The following SPON1 variants were observed in gnomAD, a reference collection of about 807,000 sequenced individuals.
SPON1 encodes spondin-1.
SPON1 carries 52 observed loss-of-function variants against 111.7 expected under a neutral mutation model. The observed-to-expected ratio is 0.47, with a 90% CI of 0.37 to 0.59. The LOEUF (loss-of-function observed/expected upper bound fraction) is 0.59, where lower values mean the gene tolerates loss of function less well. Ranked by LOEUF, SPON1 falls within the 20% of genes least tolerant of loss-of-function variation. SPON1 has a pLI of 0.00. For synonymous variants in SPON1, 410 were observed against 395.8 expected, an observed-to-expected ratio of 1.04 and a Z score of -0.43; for missense variants, 957 against 1,068.5, an observed-to-expected ratio of 0.90 and a Z score of 1.46.
chr11:14,172,320 C>T (rs1324767831), intron 6 of SPON1, among the ~76,000 whole-genome samples: 1 of 151,836 alleles, frequency 6.6e-6, no homozygotes, highest in Admixed American at 6.6e-5. Context: ...GCAACCCCTG[C>T]CTTTTTTTGT....
intron 3 of SPON1, among the ~76,000 whole-genome samples, chr11:14,054,683 A>C (rs1848731599): frequency 6.6e-6 from 1 of 152,144 alleles, no homozygotes; most frequent in Non-Finnish European, 1.5e-5. Context: ...ATCAAAAATC[A>C]AGGAATGGGG....
intron 6 of SPON1, among the ~76,000 whole-genome samples, chr11:14,200,645 C>G (rs11023136): frequency 6.6e-6 from 1 of 151,798 alleles, no homozygotes; most frequent in East Asian, 1.9e-4. Flanking sequence ...GAAACCCCGT[C>G]TCTGCTAAAA....
At chr11:14,125,385 A>G (rs1166979157) in intron 5 of SPON1, among the ~76,000 whole-genome samples, 1 of 152,222 alleles carries the variant, frequency 6.6e-6, no homozygotes, top group Non-Finnish European at 1.5e-5. Flanking sequence ...CAGAAGAGTT[A>G]AGTGACCAGT....
intron 5 of SPON1, among the ~76,000 whole-genome samples, chr11:14,106,363 G>A (rs1394529121): frequency 4.6e-5 from 7 of 152,266 alleles, no homozygotes; most frequent in Admixed American, 1.3e-4. Context: ...ACAACATTAT[G>A]TATGGTCACC....
chr11:14,163,320 A>G (rs1411895255), intron 6 of SPON1, among the ~76,000 whole-genome samples: 1 of 152,182 alleles, frequency 6.6e-6, no homozygotes, highest in Non-Finnish European at 1.5e-5. Context: ...ATAAGTGCAA[A>G]ATTCAAGTCC....
intron 1 of SPON1, among the ~76,000 whole-genome samples, chr11:13,975,913 C>A (rs1848099839): frequency 6.6e-6 from 1 of 151,958 alleles, no homozygotes; most frequent in Non-Finnish European, 1.5e-5. Context: ...AATCTTCATC[C>A]CCAATATCAC....
intron 4 of SPON1, among the ~76,000 whole-genome samples, chr11:14,079,251 C>A (rs1191630724): frequency 2.0e-5 from 3 of 152,128 alleles, no homozygotes; most frequent in Admixed American, 2.0e-4. Context: ...TTAAGTTTTT[C>A]CTGGCTACTT....
chr11:14,084,312 C>G (rs565368373), intron 5 of SPON1, among the ~76,000 whole-genome samples: 1 of 152,060 alleles, frequency 6.6e-6, no homozygotes. Context: ...CTGCACTCCC[C>G]GACAGGACCA....
In SPON1 at chr11:14,160,574, T is replaced by C. The variant is rs868993264; in HGVS notation, c.825+25006T>C. On this transcript the variant is annotated intron_variant, in intron 6 of 15. Coordinates refer to ENST00000576479, the MANE Select transcript of SPON1 (RefSeq NM_006108.4). The stretch of plus-strand genomic sequence containing the variant: ...ATATATATATTTATATATATATTTA[T>C]ATATATATTTACATATATATATTTA... 2.7e-3 allele frequency among the ~76,000 whole-genome samples: 65 copies of C among 23,968 alleles called. 5 individuals carry two copies. Among genetic ancestry groups the C allele is most frequent in the African/African-American group, 9.5e-3 (55 of 5,766 alleles). 15.7% of individuals were successfully genotyped at this position (23,968 alleles called of 152,430 possible).
chr11:14,233,573 A>C (rs1402220577), intron 6 of SPON1, among the ~76,000 whole-genome samples: 1 of 152,138 alleles, frequency 6.6e-6, no homozygotes, highest in East Asian at 1.9e-4. Flanking sequence ...TGTTTAATTA[A>C]CTAATTCATT....
rs562966982 is a variant in SPON1 at position 14,131,778 on chromosome 11, C to A, written c.677-3642C>A. On this transcript the variant is annotated intron_variant, in intron 5 of 15. Transcript: ENST00000576479. ...GCCTGGAGCCAGAGTCTTCTGGCTCCTGGTCACCATGCCTTTCTTCCCTGC... is the reference window on the plus strand; with the variant it reads ...GCCTGGAGCCAGAGTCTTCTGGCTCATGGTCACCATGCCTTTCTTCCCTGC... Among the ~76,000 whole-genome samples the A allele has an allele frequency of 3.2e-4, 49 of 152,294 alleles. 2 individuals carry two copies. The South Asian group carries it at 9.1e-3, about 28-fold the overall frequency.
chr11:14,143,436 G>A lies in SPON1; in HGVS notation c.825+7868G>A, dbSNP rs150921863. On this transcript the variant is annotated intron_variant, in intron 6 of 15. Coordinates refer to ENST00000576479, the MANE Select transcript of SPON1 (RefSeq NM_006108.4). ...AAATTAGCCAGGCATGGAGGTGCACGTCTGTAGTCCCAGCAGTTGGGGGAC... is the reference window on the plus strand; with the variant it reads ...AAATTAGCCAGGCATGGAGGTGCACATCTGTAGTCCCAGCAGTTGGGGGAC... Among the ~76,000 whole-genome samples the A allele has an allele frequency of 7.5e-4, 114 of 152,226 alleles. No individual in the cohort carries two copies. In the East Asian group the frequency reaches 0.011, roughly 15 times the overall value.
chr11:14,155,116 T>C (rs1172352136), intron 6 of SPON1, among the ~76,000 whole-genome samples: 5 of 152,214 alleles, frequency 3.3e-5, no homozygotes, highest in African/African-American at 7.2e-5. Context: ...ATTTGACAAG[T>C]CTCTGGAAAG....
intron 8 of SPON1, among the ~76,000 whole-genome samples, chr11:14,255,094 G>A (rs782117476): frequency 2.0e-4 from 31 of 152,206 alleles, no homozygotes; most frequent in Non-Finnish European, 3.7e-4. Flanking sequence ...GGAGCCATCA[G>A]AAAACCAATG....
At chr11:14,108,002 A>G (rs1206539987) in intron 5 of SPON1, among the ~76,000 whole-genome samples, 2 of 152,072 alleles carry the variant, frequency 1.3e-5, no homozygotes, top group African/African-American at 4.8e-5. Context: ...TAATCAAATC[A>G]CCTATCTCAT....
chr11:14,105,753 A>G (rs1849179577), intron 5 of SPON1, among the ~76,000 whole-genome samples: 1 of 152,152 alleles, frequency 6.6e-6, no homozygotes, highest in Non-Finnish European at 1.5e-5. Flanking sequence ...TTCACATTTA[A>G]ATAGGCCTTG....
chr11:14,156,761 C>G (rs1272681763), intron 6 of SPON1, among the ~76,000 whole-genome samples: 10 of 152,010 alleles, frequency 6.6e-5, no homozygotes, highest in Non-Finnish European at 1.5e-4. Flanking sequence ...AATCCTTTCC[C>G]CATTGCTTGT....
intron 2 of SPON1, among the ~76,000 whole-genome samples, chr11:14,012,509 T>C (rs1848413406): frequency 6.6e-6 from 1 of 152,144 alleles, no homozygotes; most frequent in Non-Finnish European, 1.5e-5. Flanking sequence ...ATTTATCCTA[T>C]GTGGTAGGGA....
At chr11:14,099,199 G>A (rs1329628227) in intron 5 of SPON1, among the ~76,000 whole-genome samples, 3 of 152,160 alleles carry the variant, frequency 2.0e-5, no homozygotes, top group Admixed American at 2.0e-4. Context: ...GATTTTCATA[G>A]TTCCTAGCAT....
Sources: allele counts gnomAD v4.1 joint callset (sites outside exome capture counted in the v4.1 genomes callset), GRCh38; gene constraint gnomAD v4.1.1; transcripts MANE v1.5; gene names NCBI Gene and HGNC (gene_info 2026-07-23, HGNC 2026-07-21).